RBM26: variants seen among roughly 807,000 people sequenced by gnomAD.
RBM26 encodes the protein RNA-binding protein 26.
A neutral mutation model predicts 123.6 loss-of-function variants in RBM26; 30 were observed. The observed-to-expected ratio is 0.24, with a 90% CI of 0.18 to 0.33. RBM26 has a LOEUF of 0.33. RBM26 is among the 10% of genes least tolerant of loss of function. The pLI is 1.00. For missense variants in RBM26, 947 were observed against 1,203.6 expected (o/e 0.79, Z 3.15); for synonymous variants, 400 against 404.4 (o/e 0.99, Z 0.13).
intron 1 of RBM26, chr13:79,389,556 T>A (rs2077765000): frequency 6.6e-6 from 1 of 152,230 alleles, no homozygotes; most frequent in Non-Finnish European, 1.5e-5. Context: ...CTCATCCATG[T>A]ACTAACCAAG....
In RBM26 at chr13:79,373,140, A is replaced by G. The variant is rs2076162775; in HGVS notation, c.328-1210T>C. On this transcript the variant is annotated intron_variant, in intron 3 of 21. Transcript: ENST00000438737. ...ATATAATATATAAGATATATCTTAT[A>G]TATTATATATTTTATGTATTATATA... 1.0e-4 allele frequency among the ~76,000 whole-genome samples: 6 copies of G among 58,028 alleles called. 2 individuals carry two copies. In the Admixed American group the frequency reaches 1.3e-3, roughly 13 times the overall value. The allele number at this position is 58,028 out of a possible 152,430, so 38.1% of individuals were successfully genotyped here.
chr13:79,322,318 G>T, intron 21 of RBM26, 31 bp downstream of exon 21: 1 of 1,360,748 alleles, frequency 7.3e-7, no homozygotes. Flanking sequence ...AACGATTAAG[G>T]GTAAAAATAA....
chr13:79,349,632 A>T (rs2072899342), intron 14 of RBM26, among the ~76,000 whole-genome samples: 1 of 152,100 alleles, frequency 6.6e-6, no homozygotes, highest in South Asian at 2.1e-4. Context: ...CTGAGAGGCC[A>T]CTGAATTAAA....
At chr13:79,386,682 C>T (rs146639514) in intron 1 of RBM26, among the ~76,000 whole-genome samples, 184 of 135,364 alleles carry the variant, frequency 1.4e-3, no homozygotes, top group African/African-American at 4.7e-3. Flanking sequence ...AATTCCTATT[C>T]ATAGTTGAGG....
intron 11 of RBM26, among the ~76,000 whole-genome samples, chr13:79,357,042 T>C (rs1199776741): frequency 1.3e-5 from 2 of 152,068 alleles, no homozygotes; most frequent in African/African-American, 4.8e-5. Flanking sequence ...GGCTCATAAA[T>C]AGTTTTAAGT....
At chr13:79,365,744 A>C (rs1421614948) in intron 8 of RBM26, 26 bp from the exon 9 acceptor site, 1 of 1,598,068 alleles carries the variant, frequency 6.3e-7, no homozygotes, top group African/African-American at 1.4e-5. Context: ...CTGTAATTAA[A>C]AAACAATTAT....
At chr13:79,399,157 G>T (rs1246575766) in intron 1 of RBM26, among the ~76,000 whole-genome samples, 1 of 152,138 alleles carries the variant, frequency 6.6e-6, no homozygotes, top group East Asian at 1.9e-4. Context: ...ATAGATCATA[G>T]GCAGCTTTCT....
chr13:79,315,993 GA>G (rs920702063), downstream of RBM26, among the ~76,000 whole-genome samples: 1 of 151,772 alleles, frequency 6.6e-6, no homozygotes, highest in African/African-American at 2.4e-5. Context: ...TGAGATCTGG[GA>G]AAAGGAAATT....
At chr13:79,375,951 A>G (rs2140194675) in intron 3 of RBM26, among the ~76,000 whole-genome samples, 1 of 152,114 alleles carries the variant, frequency 6.6e-6, no homozygotes, top group South Asian at 2.1e-4. Flanking sequence ...GTGAAAAGTA[A>G]AATAATGTAT....
chr13:79,385,078 G>A lies in RBM26; in HGVS notation c.72-6171C>T, dbSNP rs570935056. Among the ~76,000 whole-genome samples, 3 of 152,222 alleles carry A rather than the reference G, an allele frequency of 2.0e-5. No individual in the cohort carries two copies. In the South Asian group the frequency reaches 6.2e-4, roughly 32 times the overall value. On this transcript the variant is annotated intron_variant, in intron 1 of 21. Coordinates refer to ENST00000438737, the MANE Select transcript of RBM26 (RefSeq NM_001366735.2). ...CTGAGTAACTTTAGAACACGGATATGCACCCACGTCTGTTCTTTCCAAATT... is the reference window on the plus strand; with the variant it reads ...CTGAGTAACTTTAGAACACGGATATACACCCACGTCTGTTCTTTCCAAATT...
intron 1 of RBM26, among the ~76,000 whole-genome samples, chr13:79,382,319 T>C (rs1361712967): frequency 1.3e-5 from 2 of 152,158 alleles, no homozygotes; most frequent in Admixed American, 6.5e-5. Context: ...GGTTTGTAAT[T>C]TGAATGATCT....
rs750593213 is a variant in RBM26 at position 79,370,929 on chromosome 13, A to G, written c.634+16T>C. On this transcript the variant is annotated intron_variant, in intron 5 of 21. Transcript: ENST00000438737. The stretch of plus-strand genomic sequence containing the variant: ...TGGAGTTTTTCATAAAAAGATAACC[A>G]AAATATATTATTTACCCCTGCTTCG... 1.3e-6 allele frequency: 2 copies of G among 1,586,700 alleles called. No homozygotes were observed. Among genetic ancestry groups the G allele is most frequent in the South Asian group, 2.3e-5 (2 of 88,810 alleles).
intron 20 of RBM26, among the ~76,000 whole-genome samples, chr13:79,328,582 G>T (rs2068788580): frequency 6.8e-6 from 1 of 146,896 alleles, no homozygotes; most frequent in Admixed American, 6.9e-5. Context: ...AGATTAACTG[G>T]ACAATTAACT....
chr13:79,326,017 G>C (rs926691078), intron 20 of RBM26, among the ~76,000 whole-genome samples: 1 of 152,146 alleles, frequency 6.6e-6, no homozygotes, highest in Non-Finnish European at 1.5e-5. Flanking sequence ...CGTAGCCTAA[G>C]ACCAACGGGC....
At chr13:79,323,447 T>C (rs1268842383) in intron 20 of RBM26, among the ~76,000 whole-genome samples, 2 of 151,658 alleles carry the variant, frequency 1.3e-5, no homozygotes, top group Non-Finnish European at 3.0e-5. Context: ...CAGAGAATTT[T>C]TGTCACAATG....
chr13:79,390,182 CTT>C (rs2077831658), intron 1 of RBM26, among the ~76,000 whole-genome samples: 1 of 151,984 alleles, frequency 6.6e-6, no homozygotes, highest in African/African-American at 2.4e-5. Flanking sequence ...ATTAGTAAGA[CTT>C]AAGAAATTGT....
chr13:79,405,721 G>T lies in RBM26; in HGVS notation c.54C>A (p.Ser18Arg). ...ENFEALKSWLSKTLEPICDAD... is the reference protein window; with the variant it reads ...ENFEALKSWLRKTLEPICDAD... ...ATACTCACATGGGCTCGAGAGTCTT[G>T]CTGAGCCAGGACTTGAGTGCCTCGA... is the stretch of plus-strand genomic sequence containing the variant. Residue 18 changes from serine (S) to arginine (R), a missense_variant, in exon 1 of 22, where the codon AGC (serine) becomes AGA (arginine). By Grantham distance (110) the Ser-to-Arg change is moderately radical. This residue lies in a region of RBM26 where 275 missense variants were observed against 361.0 expected (regional missense o/e 0.76). Coordinates refer to ENST00000438737, the MANE Select transcript of RBM26 (RefSeq NM_001366735.2). 3 of 1,598,304 alleles carry T rather than the reference G, an allele frequency of 1.9e-6. No individual in the cohort carries two copies. The highest frequency in any genetic ancestry group is 2.2e-5 in the South Asian group (2 of 89,872).
At chr13:79,313,540 GA>G (rs1249054723) in exon 5 of RBM26, 1 of 151,684 alleles carries the variant, frequency 6.6e-6, no homozygotes, top group African/African-American at 2.4e-5. Context: ...AGTAGGGGCA[GA>G]AAATTCTTTG....
At chr13:79,322,610 C>A in intron 20 of RBM26, 148 bp from the exon 21 acceptor site, 1 of 489,448 alleles carries the variant, frequency 2.0e-6, no homozygotes, top group Non-Finnish European at 3.5e-6. Context: ...ATTTACTATT[C>A]AATTTACTAT....
Sources: allele counts gnomAD v4.1 joint callset (sites outside exome capture counted in the v4.1 genomes callset), GRCh38; gene constraint gnomAD v4.1.1; regional missense constraint gnomAD v4.1.1; transcripts MANE v1.5; gene names NCBI Gene and HGNC (gene_info 2026-07-23, HGNC 2026-07-21).